CCDC85C: variants seen among roughly 807,000 people sequenced by gnomAD.
CCDC85C encodes the protein coiled-coil domain-containing protein 85C.
Under a neutral mutation model 38.3 loss-of-function variants are expected in CCDC85C, and 18 were observed. The observed-to-expected ratio is 0.47, with a 90% CI of 0.33 to 0.70. The LOEUF (loss-of-function observed/expected upper bound fraction) is 0.70, where lower values mean the gene tolerates loss of function less well. CCDC85C is among the 30% of genes least tolerant of loss of function. CCDC85C has a pLI of 0.03. For synonymous variants in CCDC85C, 264 were observed against 293.8 expected, an observed-to-expected ratio of 0.90 and a Z score of 1.04; for missense variants, 566 against 621.2, an observed-to-expected ratio of 0.91 and a Z score of 0.94.
intron 1 of CCDC85C, among the ~76,000 whole-genome samples, chr14:99,601,602 G>T (rs948346251): frequency 2.6e-5 from 4 of 152,122 alleles, no homozygotes; most frequent in African/African-American, 9.7e-5. Flanking sequence ...TAGGGAAACC[G>T]AGGCCCAGAT....
Position 99,558,287 on chromosome 14 carries a change from G to A in CCDC85C, c.794-22199C>T, listed in dbSNP as rs952166970. ...GCAGTGTCCTTCCAAATTCATGTCC[G>A]CCCAGAACCTCAGAATGTGATCTTA... is the stretch of plus-strand genomic sequence containing the variant. On this transcript the variant is annotated intron_variant, in intron 1 of 5. Transcript: ENST00000380243. The surrounding 1 kb of genome is among the most constrained non-coding windows in gnomAD (Gnocchi z 4.2). Among the ~76,000 whole-genome samples, 3 of 152,280 alleles carry A rather than the reference G, an allele frequency of 2.0e-5. No individual in the cohort carries two copies. The highest frequency in any genetic ancestry group is 3.9e-4 in the East Asian group (2 of 5,178).
chr14:99,600,652 G>T (rs2055188771), intron 1 of CCDC85C, among the ~76,000 whole-genome samples: 1 of 152,130 alleles, frequency 6.6e-6, no homozygotes, highest in Non-Finnish European at 1.5e-5. Flanking sequence ...CCCAGACAAG[G>T]CTAGGAACCC....
In CCDC85C at chr14:99,501,481, A is replaced by C; in HGVS notation, c.*13765T>G. On this transcript the variant is annotated 3_prime_UTR_variant, in exon 6 of 6. Coordinates refer to ENST00000380243, the MANE Select transcript of CCDC85C (RefSeq NM_001144995.2). ...AGGCAGAGACTTTATGGACCATTTC[A>C]TCTAAACCCCTCATTTTGTGTCAGA... The C allele has an allele frequency of 9.6e-7, 1 of 1,041,766 alleles. No homozygotes were observed. The highest frequency in any genetic ancestry group is 1.5e-6 in the Non-Finnish European group (1 of 672,812). The allele number at this position is 1,041,766 out of a possible 1,614,324, so 64.5% of individuals were successfully genotyped here.
rs1897199027 is a variant in CCDC85C at position 99,515,032 on chromosome 14, C to T, written c.*214G>A. The T allele has an allele frequency of 3.8e-6, 2 of 523,158 alleles. No individual in the cohort carries two copies. The highest frequency in any genetic ancestry group is 6.9e-6 in the Non-Finnish European group (2 of 289,934). The allele number at this position is 523,158 out of a possible 1,614,324, so 32.4% of individuals were successfully genotyped here. A position where few individuals can be genotyped will look rare whatever the true frequency, so the allele number is the denominator to read the frequency against. ...TGCAGGAACAGTCGCAGCGTCTCGT[C>T]TTCCCAGGTTGCTGGTGTATGAGGC... is the stretch of plus-strand genomic sequence containing the variant. On this transcript the variant is annotated 3_prime_UTR_variant, in exon 6 of 6. Transcript: ENST00000380243.
At chr14:99,529,217 A>G (rs1187330155) in intron 2 of CCDC85C, among the ~76,000 whole-genome samples, 1 of 152,034 alleles carries the variant, frequency 6.6e-6, no homozygotes, top group Admixed American at 6.6e-5. Flanking sequence ...ACTCACGTGT[A>G]TGTGCCATTC....
chr14:99,590,280 C>A (rs1349776450), intron 1 of CCDC85C, among the ~76,000 whole-genome samples: 2 of 152,142 alleles, frequency 1.3e-5, no homozygotes, highest in African/African-American at 4.8e-5. Flanking sequence ...CAGGCAGCAT[C>A]CCGAGGGCCT....
At position 99,501,156 on chromosome 14, in the gene CCDC85C, A is replaced by C; in HGVS notation, c.*14090T>G. 3.3e-6 allele frequency: 2 copies of C among 605,748 alleles called. No individual in the cohort carries two copies. The highest frequency in any genetic ancestry group is 5.8e-6 in the Non-Finnish European group (2 of 344,368). The allele number at this position is 605,748 out of a possible 1,614,324, so 37.5% of individuals were successfully genotyped here. On this transcript the variant is annotated 3_prime_UTR_variant, in exon 6 of 6. Transcript: ENST00000380243. ...TTAGCCTTGGAGCCAGGTTTTCCAT[A>C]CATGGTGGTTCAGCGTAGGTCATGA...
chr14:99,604,166 T>TGCTGCGTCGGCGGCC lies in CCDC85C; in HGVS notation c.-222_-208dup, dbSNP rs1459234436. The TGCTGCGTCGGCGGCC allele has an allele frequency of 7.4e-5, 24 of 323,602 alleles. No individual in the cohort carries two copies. The East Asian group carries it at 1.5e-3, about 21-fold the overall frequency. The allele number at this position is 323,602 out of a possible 1,614,324, so 20.0% of individuals were successfully genotyped here. On this transcript the variant is annotated 5_prime_UTR_variant, in exon 1 of 6. Coordinates refer to ENST00000380243, the MANE Select transcript of CCDC85C (RefSeq NM_001144995.2). ...CTCGGGGTTGACGAGCGGAGGCGGC[T>TGCTGCGTCGGCGGCC]GCTGCGTCGGCGGCCGCGGTGCCGG... is the stretch of plus-strand genomic sequence containing the variant.
In CCDC85C at chr14:99,604,181, C is replaced by A. The variant is rs2055247825; in HGVS notation, c.-222G>T. ...CGGAGGCGGCTGCTGCGTCGGCGGC[C>A]GCGGTGCCGGGCGCTCTCAGGGTTC... On this transcript the variant is annotated 5_prime_UTR_variant, in exon 1 of 6. Transcript: ENST00000380243. Among the ~76,000 whole-genome samples the A allele has an allele frequency of 6.8e-6, 1 of 148,102 alleles. No homozygotes were observed. Among genetic ancestry groups the A allele is most frequent in the Non-Finnish European group, 1.5e-5 (1 of 66,492 alleles).
chr14:99,500,735 T>TA lies in CCDC85C; in HGVS notation c.*14510dup. ...GCTGCTTGAGACCTGCAATTGTAATTACTGTCCTAACATTTGTGATTGATT... is the reference window on the plus strand; with the variant it reads ...GCTGCTTGAGACCTGCAATTGTAATTAACTGTCCTAACATTTGTGATTGATT... On this transcript the variant is annotated 3_prime_UTR_variant, in exon 6 of 6. Coordinates refer to ENST00000380243, the MANE Select transcript of CCDC85C (RefSeq NM_001144995.2). 7.4e-7 allele frequency: 1 copy of TA among 1,352,200 alleles called. No individual in the cohort carries two copies. The highest frequency in any genetic ancestry group is 1.0e-6 in the Non-Finnish European group (1 of 963,890). The allele number at this position is 1,352,200 out of a possible 1,614,324, so 83.8% of individuals were successfully genotyped here.
intron 3 of CCDC85C, 150 bp downstream of exon 3, chr14:99,521,983 G>A: frequency 1.6e-6 from 1 of 631,594 alleles, no homozygotes; most frequent in Non-Finnish European, 2.8e-6. Context: ...GCCTCTAACT[G>A]CCACACTGGA....
rs1040486732 is a variant in CCDC85C at position 99,544,714 on chromosome 14, C to G, written c.794-8626G>C. On this transcript the variant is annotated intron_variant, in intron 1 of 5. Coordinates refer to ENST00000380243, the MANE Select transcript of CCDC85C (RefSeq NM_001144995.2). The surrounding 1 kb of genome is among the most constrained non-coding windows in gnomAD (Gnocchi z 5.3). ...TCCTTGACCCATCTCTCCTCCGAGA[C>G]CTCGCCTCCAAGGGCACCAGATAAG... 1.3e-5 allele frequency among the ~76,000 whole-genome samples: 2 copies of G among 152,168 alleles called. No homozygotes were observed. The highest frequency in any genetic ancestry group is 1.3e-4 in the Admixed American group (2 of 15,284).
chr14:99,528,952 TA>T lies in CCDC85C; in HGVS notation c.868-6713del, dbSNP rs1897441971. Reference sequence around the variant, plus strand: ...CTACCACGGCACACGTGTACTCATGTAACAAACCTGCATGTCCTGCACATGT... The same window carrying T: ...CTACCACGGCACACGTGTACTCATGTACAAACCTGCATGTCCTGCACATGT... On this transcript the variant is annotated intron_variant, in intron 2 of 5. Transcript: ENST00000380243. 2.0e-5 allele frequency among the ~76,000 whole-genome samples: 3 copies of T among 152,252 alleles called. No homozygotes were observed. The South Asian group carries it at 6.2e-4, about 32-fold the overall frequency.
chr14:99,603,630 G>T lies in CCDC85C; in HGVS notation c.330C>A (p.Arg110=). Residue 110 remains arginine (R), a synonymous_variant, in exon 1 of 6, where the codon CGC becomes CGA. Coordinates refer to ENST00000380243, the MANE Select transcript of CCDC85C (RefSeq NM_001144995.2). The surrounding 1 kb of genome is among the most constrained non-coding windows in gnomAD (Gnocchi z 7.5). The part of the protein sequence containing the change: ...KLAREWQRFG[R]HAAGAVWHEV... ...CGTGCCACACGGCGCCGGCCGCGTG[G>T]CGCCCGAAGCGCTGCCACTCGCGCG... 6.8e-7 allele frequency: 1 copy of T among 1,464,982 alleles called. No homozygotes were observed. The highest frequency in any genetic ancestry group is 1.3e-5 in the South Asian group (1 of 76,238). 90.7% of individuals were successfully genotyped at this position (1,464,982 alleles called of 1,614,324 possible).
At chr14:99,531,292 G>A (rs1205596687) in intron 2 of CCDC85C, among the ~76,000 whole-genome samples, 1 of 152,068 alleles carries the variant, frequency 6.6e-6, no homozygotes, top group African/African-American at 2.4e-5. Context: ...TGGCTTTTTT[G>A]GCGCACAATG....
chr14:99,557,347 G>T (rs1238249421), intron 1 of CCDC85C, among the ~76,000 whole-genome samples: 1 of 152,218 alleles, frequency 6.6e-6, no homozygotes, highest in Non-Finnish European at 1.5e-5. Context: ...TCGGCTGGAG[G>T]AAGAGACAAG....
intron 1 of CCDC85C, among the ~76,000 whole-genome samples, chr14:99,562,885 A>C (rs1158062021): frequency 6.6e-6 from 1 of 152,030 alleles, no homozygotes; most frequent in Non-Finnish European, 1.5e-5. Flanking sequence ...ATGCACACAC[A>C]CACACAGGTA....
intron 2 of CCDC85C, chr14:99,534,727 C>T (rs1389262607): frequency 5.7e-6 from 4 of 702,242 alleles, no homozygotes; most frequent in East Asian, 2.7e-5. Flanking sequence ...AGGCTGGCGT[C>T]TAGGGAGCCC....
rs538810437 is a variant in CCDC85C, at chr14:99,549,728, G to A, written c.794-13640C>T. Among the ~76,000 whole-genome samples the A allele has an allele frequency of 6.0e-4, 91 of 152,300 alleles. 3 individuals carry two copies. The South Asian group carries it at 0.018, about 30-fold the overall frequency. On this transcript the variant is annotated intron_variant, in intron 1 of 5. Coordinates refer to ENST00000380243, the MANE Select transcript of CCDC85C (RefSeq NM_001144995.2). Reference sequence around the variant, plus strand: ...GAGGACAGCAAATTGGGCTTCCCGCGTTTCACATAAAACTAACAGCAGGGT... The same window carrying A: ...GAGGACAGCAAATTGGGCTTCCCGCATTTCACATAAAACTAACAGCAGGGT...
Sources: gnomAD v4.1 joint callset for allele counts (sites outside exome capture counted in the v4.1 genomes callset) on GRCh38, gnomAD v4.1.1 for gene constraint, Gnocchi (gnomAD v3.1) non-coding constraint, MANE v1.5 for transcripts, NCBI Gene and HGNC (gene_info 2026-07-23, HGNC 2026-07-21) for gene names.